The following CCDC3 variants were observed in gnomAD, a reference collection of about 807,000 sequenced individuals.
CCDC3 encodes coiled-coil domain containing 3.
CCDC3 carries 24 observed loss-of-function variants against 21.4 expected under a neutral mutation model. That is an observed-to-expected ratio of 1.12 (90% CI 0.81 to 1.58). CCDC3 has a LOEUF of 1.58. Ranked by LOEUF, CCDC3 falls within the 40% of genes most tolerant of loss-of-function variation. The pLI is 0.00. For missense variants in CCDC3, 425 were observed against 360.9 expected (o/e 1.18, Z -1.44); for synonymous variants, 186 against 166.0 (o/e 1.12, Z -0.93).
At chr10:12,951,662 G>A (rs1387213265) in intron 2 of CCDC3, among the ~76,000 whole-genome samples, 2 of 151,982 alleles carry the variant, frequency 1.3e-5, no homozygotes, top group Admixed American at 1.3e-4. Flanking sequence ...AAAATTAGCT[G>A]GGTGTGATGG....
chr10:12,923,838 T>TTATGC (rs2131219375), intron 2 of CCDC3, among the ~76,000 whole-genome samples: 1 of 152,316 alleles, frequency 6.6e-6, no homozygotes, highest in South Asian at 2.1e-4. Context: ...GCATAAAGGT[T>TTATGC]TCAGACAACC....
At chr10:12,929,838 G>A (rs1246216470) in intron 2 of CCDC3, among the ~76,000 whole-genome samples, 1 of 152,196 alleles carries the variant, frequency 6.6e-6, no homozygotes, top group African/African-American at 2.4e-5. Flanking sequence ...ACATGTAAAT[G>A]AGAGGTGTTT....
At chr10:12,997,763 A>G (rs1835784756) in intron 2 of CCDC3, among the ~76,000 whole-genome samples, 1 of 152,220 alleles carries the variant, frequency 6.6e-6, no homozygotes, top group African/African-American at 2.4e-5. Flanking sequence ...GCATTACGCT[A>G]ACGGATTTAC....
intron 2 of CCDC3, among the ~76,000 whole-genome samples, chr10:12,967,062 C>T (rs1397673287): frequency 3.3e-5 from 5 of 152,162 alleles, no homozygotes; most frequent in South Asian, 2.1e-4. Flanking sequence ...ACAAGCTGAG[C>T]GATTTACCCA....
chr10:12,929,016 C>T (rs1834594536), intron 2 of CCDC3, among the ~76,000 whole-genome samples: 2 of 152,084 alleles, frequency 1.3e-5, no homozygotes, highest in South Asian at 4.1e-4. Flanking sequence ...GTAATCCCAG[C>T]ACTTTGGGAG....
At chr10:13,070,965 G>A (rs1186605630) in intron 4 of CCDC3, among the ~76,000 whole-genome samples, 1 of 152,128 alleles carries the variant, frequency 6.6e-6, no homozygotes, top group African/African-American at 2.4e-5. Flanking sequence ...GAACCAAACA[G>A]CAATCTCTGG....
chr10:12,971,708 CAG>C (rs1300257705), intron 2 of CCDC3, among the ~76,000 whole-genome samples: 4 of 152,168 alleles, frequency 2.6e-5, no homozygotes, highest in African/African-American at 9.7e-5. Flanking sequence ...GTTTTCGAGA[CAG>C]AGTCTTGTAC....
intron 2 of CCDC3, among the ~76,000 whole-genome samples, chr10:12,960,168 AACACAC>A (rs10626900): frequency 3.8e-4 from 57 of 148,856 alleles, no homozygotes; most frequent in Non-Finnish European, 6.1e-4. Context: ...ACACACACAC[AACACAC>A]ACACACACAC....
At chr10:13,048,982 T>C (rs1227619623) in intron 5 of CCDC3, among the ~76,000 whole-genome samples, 2 of 152,100 alleles carry the variant, frequency 1.3e-5, no homozygotes, top group Non-Finnish European at 2.9e-5. Context: ...AAGATGAGCA[T>C]ACAAATTCCA....
rs148350529 is a variant in CCDC3 at position 12,996,723 on chromosome 10, C to T, written c.549+1615G>A. ...GAAGGCCTCCAGGGTCCAGGGAGCC[C>T]TGGGAGAAGCTCCCTTTGAATCTCC... On this transcript the variant is annotated intron_variant, in intron 2 of 2. Transcript: ENST00000378825. Among the ~76,000 whole-genome samples the T allele has an allele frequency of 3.3e-4, 51 of 152,314 alleles. 1 individual carries two copies. The South Asian group carries it at 6.6e-3, about 20-fold the overall frequency.
intron 2 of CCDC3, among the ~76,000 whole-genome samples, chr10:12,947,228 A>G (rs1053397025): frequency 6.6e-6 from 1 of 151,786 alleles, no homozygotes; most frequent in East Asian, 1.9e-4. Flanking sequence ...GCTCACAGGA[A>G]CTTCTGCCTC....
chr10:13,079,858 A>T (rs1016325702), intron 3 of CCDC3, among the ~76,000 whole-genome samples: 1 of 152,184 alleles, frequency 6.6e-6, no homozygotes, highest in African/African-American at 2.4e-5. Flanking sequence ...GAGAGAGAAA[A>T]AGGCAGAGAC....
intron 5 of CCDC3, among the ~76,000 whole-genome samples, chr10:13,041,078 A>AT (rs1472597409): frequency 6.6e-6 from 1 of 152,160 alleles, no homozygotes; most frequent in Non-Finnish European, 1.5e-5. Context: ...TATTTTTCCA[A>AT]TATGTACGTC....
intron 2 of CCDC3, among the ~76,000 whole-genome samples, chr10:12,962,252 GCCCC>G: frequency 6.6e-6 from 1 of 152,152 alleles, no homozygotes; most frequent in Non-Finnish European, 1.5e-5. Context: ...CGATCAGTAA[GCCCC>G]CAAATCTCAA....
chr10:13,059,557 C>T (rs772282604), intron 4 of CCDC3, among the ~76,000 whole-genome samples: 7 of 152,112 alleles, frequency 4.6e-5, no homozygotes, highest in Admixed American at 6.5e-5. Context: ...AGAGATGGGG[C>T]GGAGATGAAC....
At chr10:12,978,608 C>T (rs942769100) in intron 2 of CCDC3, among the ~76,000 whole-genome samples, 4 of 151,862 alleles carry the variant, frequency 2.6e-5, no homozygotes, top group African/African-American at 9.7e-5. Context: ...AGGAGGCCAA[C>T]CTGGGGTCTG....
chr10:12,939,174 A>T (rs1415609609), intron 2 of CCDC3, among the ~76,000 whole-genome samples: 1 of 152,170 alleles, frequency 6.6e-6, no homozygotes, highest in Non-Finnish European at 1.5e-5. Context: ...CTTATCAATG[A>T]CCTTGCTTCC....
intron 5 of CCDC3, among the ~76,000 whole-genome samples, chr10:13,018,751 C>A (rs537666300): frequency 2.0e-5 from 3 of 150,420 alleles, no homozygotes; most frequent in East Asian, 2.0e-4. Flanking sequence ...GCCAATATGG[C>A]GAAACCCCGT....
At chr10:13,010,052 A>G (rs1458285312) in intron 5 of CCDC3, among the ~76,000 whole-genome samples, 1 of 152,216 alleles carries the variant, frequency 6.6e-6, no homozygotes, top group Non-Finnish European at 1.5e-5. Context: ...GTTCGAGACC[A>G]GCCTGGCCAA....
Sources: gnomAD v4.1 joint callset for allele counts (sites outside exome capture counted in the v4.1 genomes callset) on GRCh38, gnomAD v4.1.1 for gene constraint, MANE v1.5 for transcripts, NCBI Gene and HGNC (gene_info 2026-07-23, HGNC 2026-07-21) for gene names.